Variants in EXOC6B observed in about 807,000 individuals in gnomAD.
EXOC6B encodes the protein exocyst complex component 6B.
A neutral mutation model predicts 113.5 loss-of-function variants in EXOC6B; 54 were observed. That is an observed-to-expected ratio of 0.48 (90% confidence interval 0.38 to 0.60). The LOEUF (loss-of-function observed/expected upper bound fraction) is 0.60. Ranked by LOEUF, EXOC6B falls within the 20% of genes least tolerant of loss-of-function variation. The pLI is 0.00. For missense variants in EXOC6B, 797 were observed against 977.5 expected, an observed-to-expected ratio of 0.82 and a Z score of 2.46; for synonymous variants, 357 against 339.0, an observed-to-expected ratio of 1.05 and a Z score of -0.58.
chr2:72,305,976 C>T (rs557192384), intron 20 of EXOC6B, among the ~76,000 whole-genome samples: 1 of 152,212 alleles, frequency 6.6e-6, no homozygotes, highest in African/African-American at 2.4e-5. Flanking sequence ...GTCTTGTTCT[C>T]CTATTCCAAA....
At position 72,320,698 on chromosome 2, in the gene EXOC6B, C is replaced by T. The variant is rs559959565; in HGVS notation, c.2196+14249G>A. ...ATTTCTTAAGATAGGACACACAGAG[C>T]GTGAGACATGAAAAAAGTGACATTA... On this transcript the variant is annotated intron_variant, in intron 20 of 21. Coordinates refer to ENST00000272427, the MANE Select transcript of EXOC6B (RefSeq NM_015189.3). Among the ~76,000 whole-genome samples, 157 of 152,040 alleles carry T rather than the reference C, an allele frequency of 1.0e-3. 2 individuals carry two copies. The highest frequency in any genetic ancestry group is 3.2e-3 in the African/African-American group (132 of 41,490).
intron 1 of EXOC6B, among the ~76,000 whole-genome samples, chr2:72,822,300 C>G (rs1686624681): frequency 6.6e-6 from 1 of 152,048 alleles, no homozygotes; most frequent in Non-Finnish European, 1.5e-5. Flanking sequence ...TCACAGATAA[C>G]AAAATAATTT....
intron 19 of EXOC6B, among the ~76,000 whole-genome samples, chr2:72,377,832 A>G (rs1691446001): frequency 6.6e-6 from 1 of 152,170 alleles, no homozygotes; most frequent in African/African-American, 2.4e-5. Flanking sequence ...ATTGCTAAGA[A>G]AGGAGACTTT....
chr2:72,460,865 C>G (rs1246518771), intron 18 of EXOC6B, among the ~76,000 whole-genome samples: 8 of 151,460 alleles, frequency 5.3e-5, no homozygotes, highest in East Asian at 1.9e-4. Context: ...TGGGTATATA[C>G]CCAAAGGACT....
intron 6 of EXOC6B, among the ~76,000 whole-genome samples, chr2:72,606,821 G>T (rs1172097186): frequency 6.6e-6 from 1 of 151,840 alleles, no homozygotes; most frequent in African/African-American, 2.4e-5. Context: ...GTGTTGACCA[G>T]GCTGGTCTTG....
intron 6 of EXOC6B, among the ~76,000 whole-genome samples, chr2:72,671,173 T>C (rs942270908): frequency 1.3e-5 from 2 of 152,104 alleles, no homozygotes; most frequent in Admixed American, 1.3e-4. Flanking sequence ...AGGATTACAT[T>C]AAGCTAAAAA....
chr2:72,547,649 C>T (rs1158383348), intron 8 of EXOC6B, among the ~76,000 whole-genome samples: 1 of 152,140 alleles, frequency 6.6e-6, no homozygotes, highest in Non-Finnish European at 1.5e-5. Context: ...AAAGCAGATT[C>T]AGAAAGATGT....
rs1288073390 is a variant in EXOC6B at position 72,825,847 on chromosome 2, G to A, written c.64C>T (p.Leu22=). The A allele has an allele frequency of 2.5e-6, 4 of 1,613,558 alleles. No homozygotes were observed. Among genetic ancestry groups the A allele is most frequent in the Non-Finnish European group, 8.5e-7 (1 of 1,179,720 alleles). The change falls in exon 1 of 22, where the codon CTG becomes TTG. Residue 22 remains leucine, a synonymous_variant. Transcript: ENST00000272427. This position sits in a 1 kb window ranked among gnomAD's most constrained non-coding sequence, Gnocchi z 4.4. ...LETAAEHERI[L]REIESTDTAC... ...GTGTCAGTGCTCTCGATCTCTCGCA[G>A]GATCCGCTCGTGCTCTGCCGCTGTC...
chr2:72,626,461 A>G (rs1672056774), intron 6 of EXOC6B, among the ~76,000 whole-genome samples: 1 of 152,184 alleles, frequency 6.6e-6, no homozygotes, highest in Non-Finnish European at 1.5e-5. Context: ...TTATCAGACA[A>G]GATGATTTTG....
chr2:72,477,493 G>A (rs776704885), intron 17 of EXOC6B, among the ~76,000 whole-genome samples: 1 of 152,098 alleles, frequency 6.6e-6, no homozygotes, highest in Non-Finnish European at 1.5e-5. Flanking sequence ...CTGGAGTATT[G>A]CAACTACCTC....
At chr2:72,784,357 T>C (rs1041670729) in intron 1 of EXOC6B, among the ~76,000 whole-genome samples, 10 of 152,242 alleles carry the variant, frequency 6.6e-5, no homozygotes, top group African/African-American at 2.2e-4. Flanking sequence ...AATTTCAGAA[T>C]TGTTTTTTCT....
intron 20 of EXOC6B, among the ~76,000 whole-genome samples, chr2:72,224,774 T>A (rs1184367463): frequency 6.6e-6 from 1 of 151,384 alleles, no homozygotes; most frequent in Non-Finnish European, 1.5e-5. Context: ...GGACTACAGA[T>A]GCATGCTGCC....
chr2:72,202,476 G>A (rs1383903998), intron 20 of EXOC6B, among the ~76,000 whole-genome samples: 1 of 152,128 alleles, frequency 6.6e-6, no homozygotes, highest in Non-Finnish European at 1.5e-5. Flanking sequence ...CATATTCTGT[G>A]TGAGCCCAGG....
At chr2:72,710,880 T>C (rs1388013196) in intron 6 of EXOC6B, among the ~76,000 whole-genome samples, 1 of 152,232 alleles carries the variant, frequency 6.6e-6, no homozygotes, top group Non-Finnish European at 1.5e-5. Context: ...ATATCTTTTA[T>C]AGGCAATTAG....
At chr2:72,495,246 CA>C (rs1319516860) in intron 15 of EXOC6B, among the ~76,000 whole-genome samples, 183 bp downstream of exon 15, 1 of 152,094 alleles carries the variant, frequency 6.6e-6, no homozygotes, top group African/African-American at 2.4e-5. Context: ...CAAAATTATG[CA>C]AAAGTTACCA....
At chr2:72,355,876 G>A (rs1689945578) in intron 19 of EXOC6B, among the ~76,000 whole-genome samples, 2 of 152,132 alleles carry the variant, frequency 1.3e-5, no homozygotes, top group South Asian at 2.1e-4. Flanking sequence ...ATTTAACCTA[G>A]TAGATGAAGT....
chr2:72,737,282 T>G (rs774323852), intron 2 of EXOC6B, among the ~76,000 whole-genome samples: 1 of 151,956 alleles, frequency 6.6e-6, no homozygotes, highest in Admixed American at 6.6e-5. Context: ...AGGCAGACAT[T>G]GCAGTGAGCC....
At position 72,280,414 on chromosome 2, in the gene EXOC6B, G is replaced by T. The variant is rs541681028; in HGVS notation, c.2196+54533C>A. On this transcript the variant is annotated intron_variant, in intron 20 of 21. Coordinates refer to ENST00000272427, the MANE Select transcript of EXOC6B (RefSeq NM_015189.3). ...AGAATTAAGCAAAAAGAAATGACCTGTATACCAATATGGGTATAAAAGTTT... is the reference window on the plus strand; with the variant it reads ...AGAATTAAGCAAAAAGAAATGACCTTTATACCAATATGGGTATAAAAGTTT... Among the ~76,000 whole-genome samples, 3 of 152,106 alleles carry T rather than the reference G, an allele frequency of 2.0e-5. No homozygotes were observed. In the South Asian group the frequency reaches 6.2e-4, roughly 32 times the overall value.
intron 1 of EXOC6B, among the ~76,000 whole-genome samples, chr2:72,816,952 G>A (rs1686283613): frequency 6.6e-6 from 1 of 152,170 alleles, no homozygotes; most frequent in Non-Finnish European, 1.5e-5. Flanking sequence ...TGTCTTATTA[G>A]CCACAGATTC....
Sources: gnomAD v4.1 joint callset for allele counts (sites outside exome capture counted in the v4.1 genomes callset) on GRCh38, gnomAD v4.1.1 for gene constraint, Gnocchi (gnomAD v3.1) non-coding constraint, MANE v1.5 for transcripts, NCBI Gene and HGNC (gene_info 2026-07-23, HGNC 2026-07-21) for gene names.